The following CNKSR3 variants were observed in gnomAD, a reference collection of about 807,000 sequenced individuals.
CNKSR3 encodes the protein CNKSR family member 3.
Under a neutral mutation model 67.7 loss-of-function variants are expected in CNKSR3, and 36 were observed. The ratio of observed to expected loss-of-function variants is 0.53; its 90% confidence interval spans 0.41 to 0.70. The LOEUF (loss-of-function observed/expected upper bound fraction) is 0.70, where lower values mean the gene tolerates loss of function less well. Ranked by LOEUF, CNKSR3 falls within the 30% of genes least tolerant of loss-of-function variation. The probability of loss-of-function intolerance (pLI) is 0.00; values close to 1 mark genes in which losing one functional copy is unlikely to be tolerated. For missense variants in CNKSR3, 630 were observed against 695.2 expected (o/e 0.91, Z 1.05); for synonymous variants, 281 against 271.4 (o/e 1.04, Z -0.35).
At chr6:154,473,317 T>G (rs1023219634) in intron 1 of CNKSR3, among the ~76,000 whole-genome samples, 7 of 152,346 alleles carry the variant, frequency 4.6e-5, no homozygotes, top group Admixed American at 1.3e-4. Context: ...TTTCTATGCG[T>G]TAGGCATAGG....
chr6:154,488,257 T>C (rs569874944), intron 1 of CNKSR3, among the ~76,000 whole-genome samples: 1 of 152,358 alleles, frequency 6.6e-6, no homozygotes, highest in Non-Finnish European at 1.5e-5. Flanking sequence ...TAAGTCATTA[T>C]AACAGATTGA....
At chr6:154,406,819 T>C (rs1784803298) in intron 12 of CNKSR3, among the ~76,000 whole-genome samples, 167 bp from the exon 13 acceptor site, 2 of 151,820 alleles carry the variant, frequency 1.3e-5, no homozygotes, top group South Asian at 4.2e-4. Context: ...AATACAAAAA[T>C]TAGCTGGCGT....
At chr6:154,475,497 T>C (rs973046948) in intron 1 of CNKSR3, among the ~76,000 whole-genome samples, 4 of 152,334 alleles carry the variant, frequency 2.6e-5, no homozygotes, top group Admixed American at 1.3e-4. Flanking sequence ...CCGGCATGTA[T>C]AGACAAGCTT....
intron 1 of CNKSR3, among the ~76,000 whole-genome samples, chr6:154,484,728 C>G (rs1284687936): frequency 6.7e-6 from 1 of 149,956 alleles, no homozygotes; most frequent in Non-Finnish European, 1.5e-5. Flanking sequence ...TACTCCTTGT[C>G]TCTATCATCT....
chr6:154,454,104 C>CACACACACACACACACAG (rs1268729108), intron 1 of CNKSR3, among the ~76,000 whole-genome samples: 2 of 116,340 alleles, frequency 1.7e-5, no homozygotes, highest in African/African-American at 6.9e-5. Flanking sequence ...CACACACACA[C>CACACACACACACACACAG]AGAGAGAGAG....
At chr6:154,464,198 T>G (rs1016437105) in intron 1 of CNKSR3, among the ~76,000 whole-genome samples, 12 of 152,246 alleles carry the variant, frequency 7.9e-5, no homozygotes, top group African/African-American at 2.2e-4. Context: ...AGATCCTGGG[T>G]TGGCTCAGCT....
chr6:154,453,134 A>G lies in CNKSR3; in HGVS notation c.53-2876T>C, dbSNP rs955487559. The stretch of plus-strand genomic sequence containing the variant: ...CACTGAGAGATTCACATTCGTTTTC[A>G]TGTACAGCATAAATCAGTTCATTAA... On this transcript the variant is annotated intron_variant, in intron 1 of 12. Coordinates refer to ENST00000607772, the MANE Select transcript of CNKSR3 (RefSeq NM_173515.4). Among the ~76,000 whole-genome samples, 9 of 152,378 alleles carry G rather than the reference A, an allele frequency of 5.9e-5. 1 individual carries two copies. Among genetic ancestry groups the G allele is most frequent in the Admixed American group, 2.0e-4 (3 of 15,304 alleles).
chr6:154,479,410 C>G (rs1430760795), intron 1 of CNKSR3, among the ~76,000 whole-genome samples: 2 of 152,152 alleles, frequency 1.3e-5, no homozygotes, highest in East Asian at 1.9e-4. Flanking sequence ...CCAAGCCACG[C>G]TGACAGCTGG....
At chr6:154,414,005 A>G (rs1326825005) in intron 10 of CNKSR3, among the ~76,000 whole-genome samples, 1 of 151,848 alleles carries the variant, frequency 6.6e-6, no homozygotes, top group Non-Finnish European at 1.5e-5. Context: ...CGCCTCAGCC[A>G]CCCAAAGTGC....
chr6:154,476,209 C>G lies in CNKSR3; in HGVS notation c.53-25951G>C, dbSNP rs9397723. Among the ~76,000 whole-genome samples the G allele has an allele frequency of 8.6e-3, 1,308 of 152,008 alleles. 11 individuals carry two copies. The highest frequency in any genetic ancestry group is 0.031 in the Middle Eastern group (9 of 294). The stretch of plus-strand genomic sequence containing the variant: ...CGGTGGCTCACACCTGTAATTCCAG[C>G]ACTTTGGGAGGCCAAGGTGGATGGA... On this transcript the variant is annotated intron_variant, in intron 1 of 12. Coordinates refer to ENST00000607772, the MANE Select transcript of CNKSR3 (RefSeq NM_173515.4).
At chr6:154,495,923 G>C (rs987342260) in intron 1 of CNKSR3, among the ~76,000 whole-genome samples, 1 of 151,842 alleles carries the variant, frequency 6.6e-6, no homozygotes, top group Non-Finnish European at 1.5e-5. Flanking sequence ...CCATTGCCAC[G>C]GCTCTGTCAT....
intron 1 of CNKSR3, among the ~76,000 whole-genome samples, chr6:154,475,800 C>T (rs1440444267): frequency 6.6e-6 from 1 of 152,214 alleles, no homozygotes; most frequent in Non-Finnish European, 1.5e-5. Context: ...AGAAAGAAGT[C>T]ATTTCCCTGT....
intron 2 of CNKSR3, among the ~76,000 whole-genome samples, chr6:154,446,217 A>G (rs1440577609): frequency 2.6e-5 from 4 of 152,200 alleles, no homozygotes; most frequent in Admixed American, 6.5e-5. Context: ...ACCATACACT[A>G]AATGGGAGAA....
At chr6:154,433,727 G>GC in intron 4 of CNKSR3, 1 of 453,286 alleles carries the variant, frequency 2.2e-6, no homozygotes, top group East Asian at 3.5e-5. Context: ...CTGACCTAAG[G>GC]AGTTCTCATC....
At chr6:154,496,854 AC>A (rs1786888042) in intron 1 of CNKSR3, among the ~76,000 whole-genome samples, 1 of 152,190 alleles carries the variant, frequency 6.6e-6, no homozygotes, top group African/African-American at 2.4e-5. Context: ...CATCCTCAAA[AC>A]CTTTTATCAG....
intron 10 of CNKSR3, among the ~76,000 whole-genome samples, chr6:154,412,059 C>G (rs1045860651): frequency 6.6e-6 from 1 of 152,094 alleles, no homozygotes; most frequent in Admixed American, 6.5e-5. Context: ...AGTTTTTTTG[C>G]ACTTGGTAAA....
At chr6:154,418,669 C>CA (rs1292087184) in intron 9 of CNKSR3, among the ~76,000 whole-genome samples, 11 of 152,054 alleles carry the variant, frequency 7.2e-5, no homozygotes, top group African/African-American at 2.7e-4. Context: ...CTGAGAAATC[C>CA]AAAAAAATCT....
At chr6:154,497,248 A>G (rs4870297) in intron 1 of CNKSR3, among the ~76,000 whole-genome samples, 64,799 of 151,544 alleles carry the variant, frequency 0.43, 14,514 homozygotes, top group African/African-American at 0.58. Context: ...AAAATTAGCC[A>G]GGTGTGGTGA....
At position 154,460,216 on chromosome 6, in the gene CNKSR3, T is replaced by TA. The variant is rs1786050043; in HGVS notation, c.53-9959dup. Among the ~76,000 whole-genome samples the TA allele has an allele frequency of 3.9e-5, 6 of 152,346 alleles. No individual in the cohort carries two copies. In the South Asian group the frequency reaches 1.2e-3, roughly 32 times the overall value. ...AAAAAAAGAACCGACATGCAAATCT[T>TA]AAGTCAACTGAAGAGATCATCAGAA... On this transcript the variant is annotated intron_variant, in intron 1 of 12. Transcript: ENST00000607772.
Sources: gnomAD v4.1 joint callset for allele counts (sites outside exome capture counted in the v4.1 genomes callset) on GRCh38, gnomAD v4.1.1 for gene constraint, MANE v1.5 for transcripts, NCBI Gene and HGNC (gene_info 2026-07-23, HGNC 2026-07-21) for gene names.